The following KRTCAP2 variants were observed in gnomAD, a reference collection of about 807,000 sequenced individuals.
The protein encoded by KRTCAP2 is keratinocyte associated protein 2, also known as dolichyl-diphosphooligosaccharide--protein glycosyltransferase subunit KCP2.
A neutral mutation model predicts 16.5 loss-of-function variants in KRTCAP2; 10 were observed. The ratio of observed to expected loss-of-function variants is 0.60; its 90% CI spans 0.37 to 1.02. The LOEUF (loss-of-function observed/expected upper bound fraction) is 1.02. Ranked by LOEUF, KRTCAP2 falls within the 50% of genes least tolerant of loss-of-function variation. The probability of loss-of-function intolerance (pLI) is 0.01; values close to 1 mark genes in which losing one functional copy is unlikely to be tolerated. For synonymous variants in KRTCAP2, 68 were observed against 69.8 expected (o/e 0.97, Z 0.13); for missense variants, 152 against 159.6 (o/e 0.95, Z 0.26).
chr1:155,170,923 C>T (rs11809549), intron 3 of KRTCAP2: 4,249 of 152,274 alleles, frequency 0.028, 96 homozygotes, highest in Middle Eastern at 0.058. Context: ...ATCATCCCAC[C>T]TCAGCTTCCC....
chr1:155,173,231 C>T lies in KRTCAP2; in HGVS notation c.-7G>A, dbSNP rs1418770953. 2 of 1,613,760 alleles carry T rather than the reference C, an allele frequency of 1.2e-6. No homozygotes were observed. Among genetic ancestry groups the T allele is most frequent in the African/African-American group, 2.7e-5 (2 of 74,930 alleles). On this transcript the variant is annotated 5_prime_UTR_variant, in exon 1 of 5. Coordinates refer to ENST00000295682, the MANE Select transcript of KRTCAP2 (RefSeq NM_173852.4). ...CACCGGTCCTGTTACCCATCATGCC[C>T]CGCCCGTGAGTCCAACCGGCGCCTC...
chr1:155,172,014 T>C, intron 3 of KRTCAP2: 1 of 989,900 alleles, frequency 1.0e-6, no homozygotes, highest in Non-Finnish European at 1.2e-6. Context: ...ATAAACTTAA[T>C]TCTCCATAAA....
chr1:155,169,580 AG>A lies in KRTCAP2; in HGVS notation c.291-21del, dbSNP rs772952603. The A allele has an allele frequency of 5.6e-6, 9 of 1,611,886 alleles. No homozygotes were observed. In the South Asian group the frequency reaches 8.8e-5, roughly 16 times the overall value. On this transcript the variant is annotated intron_variant, in intron 4 of 4. Coordinates refer to ENST00000295682, the MANE Select transcript of KRTCAP2 (RefSeq NM_173852.4). ...ATGAAGCTATATGGTGAAGACAGAA[AG>A]GTCATGGCACCAGTGGGCATCTGCC...
At chr1:155,172,502 T>C (rs1665288365) in intron 3 of KRTCAP2, 63 bp downstream of exon 3, 15 of 1,613,188 alleles carry the variant, frequency 9.3e-6, no homozygotes, top group Non-Finnish European at 5.1e-6. Flanking sequence ...GGAAATTCAA[T>C]ATCATGTTTC....
chr1:155,170,736 AG>A (rs1469357558), intron 3 of KRTCAP2: 1 of 152,282 alleles, frequency 6.6e-6, no homozygotes. Context: ...CCACCTGCCC[AG>A]GTGGAGAGGG....
chr1:155,172,540 T>C (rs1665291319), intron 3 of KRTCAP2, 25 bp downstream of exon 3: 3 of 1,614,228 alleles, frequency 1.9e-6, no homozygotes, highest in Non-Finnish European at 2.5e-6. Context: ...AAAGTTCAAA[T>C]ACTCAAGCTC....
At chr1:155,169,673 G>C (rs906641010) in intron 4 of KRTCAP2, 113 bp from the exon 5 acceptor site, 1 of 1,410,094 alleles carries the variant, frequency 7.1e-7, no homozygotes, top group Non-Finnish European at 9.9e-7. Flanking sequence ...TTAGGAAAAC[G>C]GGGAGGGAGA....
In KRTCAP2 at chr1:155,172,814, C is replaced by T. The variant is rs993077463; in HGVS notation, c.83G>A (p.Arg28His). The change falls in exon 2 of 5, where the codon CGT becomes CAT. Residue 28 changes from arginine to histidine, a missense_variant. Arg to His is a conservative substitution (Grantham distance 29, BLOSUM62 0). Transcript: ENST00000295682. ...LLFAGMQMYSRQLASTEWLTI... is the reference protein window; with the variant it reads ...LLFAGMQMYSHQLASTEWLTI... ...GAGCCACTCGGTGGAGGCCAGCTGA[C>T]GGCTGTACATCTGCATCCCAGCAAA... The T allele has an allele frequency of 6.2e-6, 10 of 1,614,218 alleles. No homozygotes were observed. Among genetic ancestry groups the T allele is most frequent in the Non-Finnish European group, 8.5e-6 (10 of 1,180,044 alleles).
At chr1:155,172,114 A>T (rs747086443) in intron 3 of KRTCAP2, 11 of 1,004,442 alleles carry the variant, frequency 1.1e-5, no homozygotes, top group Non-Finnish European at 1.3e-5. Flanking sequence ...TGATTTGGTC[A>T]GGATTCCTGC....
At chr1:155,170,340 C>CAAAAAAAA (rs71077986) in intron 3 of KRTCAP2, 2 of 74,252 alleles carry the variant, frequency 2.7e-5, no homozygotes, top group African/African-American at 5.7e-5. Context: ...ACCCCGTCTC[C>CAAAAAAAA]AAAAAAAAAA....
intron 1 of KRTCAP2, 69 bp downstream of exon 1, chr1:155,173,152 G>A (rs984345501): frequency 1.9e-5 from 25 of 1,341,562 alleles, no homozygotes; most frequent in Non-Finnish European, 2.6e-5. Flanking sequence ...GGGAGAGGAC[G>A]AGGAAAGCTT....
chr1:155,171,483 A>G, intron 3 of KRTCAP2: 1 of 985,312 alleles, frequency 1.0e-6, no homozygotes, highest in Non-Finnish European at 1.2e-6. Context: ...AACAGAGAGA[A>G]GTCCCGGGGC....
chr1:155,173,215 T>A lies in KRTCAP2; in HGVS notation c.4+6A>T. On this transcript the variant is annotated splice_donor_region_variant and intron_variant, in intron 1 of 4. Coordinates refer to ENST00000295682, the MANE Select transcript of KRTCAP2 (RefSeq NM_173852.4). ...GACTTCCTGGGGACCCCACCGGTCC[T>A]GTTACCCATCATGCCCCGCCCGTGA... 1.9e-6 allele frequency: 3 copies of A among 1,613,152 alleles called. No individual in the cohort carries two copies. The highest frequency in any genetic ancestry group is 2.5e-6 in the Non-Finnish European group (3 of 1,179,680).
At chr1:155,170,897 C>G (rs1049629439) in intron 3 of KRTCAP2, 1 of 152,172 alleles carries the variant, frequency 6.6e-6, no homozygotes, top group Non-Finnish European at 1.5e-5. Context: ...CAGCCTTGAT[C>G]TCCTGGGCTC....
chr1:155,169,638 T>C (rs1411374626), intron 4 of KRTCAP2, 78 bp from the exon 5 acceptor site: 8 of 1,522,168 alleles, frequency 5.3e-6, no homozygotes, highest in Middle Eastern at 1.7e-4. Context: ...GACACTAGCA[T>C]CAAGGAAAGA....
At chr1:155,172,503 AT>A (rs1250896116) in intron 3 of KRTCAP2, 61 bp downstream of exon 3, 2 of 1,612,992 alleles carry the variant, frequency 1.2e-6, no homozygotes, top group Admixed American at 1.7e-5. Context: ...GAAATTCAAT[AT>A]CATGTTTCAG....
intron 3 of KRTCAP2, 140 bp from the exon 4 acceptor site, chr1:155,169,997 GA>G (rs753733803): frequency 2.1e-5 from 13 of 610,752 alleles, no homozygotes; most frequent in Non-Finnish European, 3.6e-5. Flanking sequence ...ACAGCAGGAG[GA>G]TTCTGATTAC....
chr1:155,172,527 G>A (rs766561897), intron 3 of KRTCAP2, 38 bp downstream of exon 3: 3 of 1,614,162 alleles, frequency 1.9e-6, no homozygotes, highest in Non-Finnish European at 2.5e-6. Context: ...GGTTAAAGAG[G>A]AGAAAGTTCA....
chr1:155,169,678 G>T, intron 4 of KRTCAP2, 113 bp downstream of exon 4: 1 of 1,393,792 alleles, frequency 7.2e-7, no homozygotes. Context: ...AAAACGGGGA[G>T]GGAGAACAGA....
Sources: allele counts gnomAD v4.1 joint callset, GRCh38; gene constraint gnomAD v4.1.1; transcripts MANE v1.5; gene names NCBI Gene and HGNC (gene_info 2026-07-23, HGNC 2026-07-21).